The following XRCC6 variants were observed in gnomAD, a reference collection of about 807,000 sequenced individuals.
XRCC6 encodes DNA repair protein Ku70.
A neutral mutation model predicts 65.7 loss-of-function variants in XRCC6; 5 were observed. The ratio of observed to expected loss-of-function variants is 0.08; its 90% CI spans 0.04 to 0.16. XRCC6 has a LOEUF of 0.16. XRCC6 is among the 10% of genes least tolerant of loss of function. The pLI is 1.00. For synonymous variants in XRCC6, 270 were observed against 270.6 expected (o/e 1.00, Z 0.02); for missense variants, 447 against 738.1 (o/e 0.61, Z 4.57).
chr22:41,637,704 T>A lies in XRCC6; in HGVS notation c.686T>A (p.Leu229His), dbSNP rs2067824291. Residue 229 changes from leucine to histidine, a missense_variant, in exon 6 of 13, where the codon CTC (leucine) becomes CAC (histidine). By Grantham distance (99) the Leu-to-His change is moderately conservative. Coordinates refer to ENST00000360079, the MANE Select transcript of XRCC6 (RefSeq NM_001469.5). ...DIISIAEDED[L>H]RVHFEESSKL... ...ATCAGCATAGCAGAGGATGAGGACC[T>A]CAGGGTTCACTTTGAGGAATCCAGC... The A allele has an allele frequency of 6.2e-7, 1 of 1,613,742 alleles. No individual in the cohort carries two copies. Among genetic ancestry groups the A allele is most frequent in the South Asian group, 1.1e-5 (1 of 91,012 alleles).
chr22:41,657,400 C>T (rs1601556156), intron 10 of XRCC6, among the ~76,000 whole-genome samples: 2 of 151,950 alleles, frequency 1.3e-5, no homozygotes, highest in South Asian at 4.2e-4. Context: ...TAATTCAAGT[C>T]ATTCCCTCTC....
At chr22:41,626,636 T>G (rs1488122933) in intron 2 of XRCC6, among the ~76,000 whole-genome samples, 1 of 147,650 alleles carries the variant, frequency 6.8e-6, no homozygotes, top group Non-Finnish European at 1.5e-5. Context: ...TGTTTGTTTT[T>G]TTTTTTGTTT....
At chr22:41,644,628 G>T (rs561246313) in intron 6 of XRCC6, among the ~76,000 whole-genome samples, 170 of 152,144 alleles carry the variant, frequency 1.1e-3, no homozygotes, top group African/African-American at 3.9e-3. Context: ...TGGGACTGCA[G>T]ATGCACACCG....
At chr22:41,636,031 T>G (rs765939310) in intron 3 of XRCC6, 82 bp from the exon 4 acceptor site, 1 of 1,291,170 alleles carries the variant, frequency 7.7e-7, no homozygotes, top group Non-Finnish European at 1.0e-6. Context: ...AGTGCACATA[T>G]TTTGAGCAAC....
chr22:41,624,530 TAC>T, intron 2 of XRCC6, among the ~76,000 whole-genome samples: 1 of 145,190 alleles, frequency 6.9e-6, no homozygotes, highest in Non-Finnish European at 1.5e-5. Flanking sequence ...ACTAAAAAAA[TAC>T]AAAAAATTAG....
intron 5 of XRCC6, 56 bp from the exon 6 acceptor site, chr22:41,637,549 ACTT>A: frequency 7.1e-7 from 1 of 1,408,566 alleles, no homozygotes; most frequent in Non-Finnish European, 9.5e-7. Context: ...AACTGAAAGA[ACTT>A]CTCACTTGCT....
chr22:41,655,348 G>C (rs1253124764), intron 9 of XRCC6, among the ~76,000 whole-genome samples: 1 of 149,210 alleles, frequency 6.7e-6, no homozygotes, highest in Non-Finnish European at 1.5e-5. Context: ...TTTTTATGCT[G>C]AGGTTGCTAA....
At chr22:41,637,956 T>C (rs1191104842) in intron 6 of XRCC6, among the ~76,000 whole-genome samples, 165 bp downstream of exon 6, 1 of 93,494 alleles carries the variant, frequency 1.1e-5, no homozygotes, top group Non-Finnish European at 2.1e-5. Flanking sequence ...AGACCCTCTC[T>C]CTACCTAAAA....
intron 9 of XRCC6, among the ~76,000 whole-genome samples, chr22:41,655,727 C>A (rs979930606): frequency 6.6e-6 from 1 of 151,386 alleles, no homozygotes; most frequent in Admixed American, 6.6e-5. Context: ...TTTTTCCCCC[C>A]CTTCTTTTTT....
At chr22:41,658,389 G>C in intron 11 of XRCC6, 37 bp downstream of exon 11, 1 of 1,597,724 alleles carries the variant, frequency 6.3e-7, no homozygotes, top group Non-Finnish European at 8.6e-7. Context: ...TTTCATGGGA[G>C]GCTTTCTTAC....
intron 2 of XRCC6, among the ~76,000 whole-genome samples, chr22:41,625,119 A>C (rs2067655532): frequency 6.6e-6 from 1 of 152,162 alleles, no homozygotes. Flanking sequence ...CAGCCTGGCC[A>C]ACATGGTGAG....
At chr22:41,641,608 C>G (rs28741125) in intron 6 of XRCC6, among the ~76,000 whole-genome samples, 2 of 152,226 alleles carry the variant, frequency 1.3e-5, no homozygotes, top group Admixed American at 6.5e-5. Context: ...ATCACTACCC[C>G]CTTACCCTTC....
At chr22:41,651,055 T>C (rs1230740240) in intron 8 of XRCC6, among the ~76,000 whole-genome samples, 164 bp downstream of exon 8, 7 of 152,140 alleles carry the variant, frequency 4.6e-5, no homozygotes, top group African/African-American at 1.7e-4. Context: ...CCTGTAATCC[T>C]AGCACTTTGG....
At chr22:41,649,139 A>AAAAAAATATATATATAT in intron 7 of XRCC6, among the ~76,000 whole-genome samples, 3 of 88,736 alleles carry the variant, frequency 3.4e-5, no homozygotes, top group African/African-American at 4.6e-5. Context: ...AAAAAAAAAA[A>AAAAAAATATATATATAT]ATATATATAT....
intron 1 of XRCC6, chr22:41,621,615 T>A (rs555548472): frequency 1.1e-5 from 2 of 184,822 alleles, no homozygotes; most frequent in African/African-American, 4.8e-5. Flanking sequence ...TGAGATCTCA[T>A]TGGGCGTGAT....
intron 9 of XRCC6, among the ~76,000 whole-genome samples, chr22:41,655,326 AG>A (rs985081617): frequency 1.3e-5 from 2 of 150,650 alleles, no homozygotes; most frequent in African/African-American, 4.9e-5. Context: ...AATTCATTTT[AG>A]TTTTTTTTTT....
At chr22:41,651,597 G>A (rs1259810429) in intron 8 of XRCC6, among the ~76,000 whole-genome samples, 7 of 149,424 alleles carry the variant, frequency 4.7e-5, no homozygotes, top group South Asian at 4.2e-4. Context: ...GTGCAATCTC[G>A]GCTCACTGCA....
chr22:41,636,538 T>C lies in XRCC6; in HGVS notation c.357T>C (p.Leu119=). 1 of 1,613,996 alleles carries C rather than the reference T, an allele frequency of 6.2e-7. No individual in the cohort carries two copies. Among genetic ancestry groups the C allele is most frequent in the Middle Eastern group, 1.7e-4 (1 of 6,056 alleles). Residue 119 remains leucine (L), a synonymous_variant, in exon 5 of 13, where the codon CTT becomes CTC. Coordinates refer to ENST00000360079, the MANE Select transcript of XRCC6 (RefSeq NM_001469.5). The part of the protein sequence containing the change: ...DNPGAKRILE[L]DQFKGQQGQK... ...CAGGTGCAAAACGAATTCTAGAGCT[T>C]GACCAGTTTAAGGGGCAGCAGGGAC...
chr22:41,646,732 G>T (rs1254990067), intron 6 of XRCC6, among the ~76,000 whole-genome samples, 164 bp from the exon 7 acceptor site: 1 of 152,138 alleles, frequency 6.6e-6, no homozygotes, highest in Non-Finnish European at 1.5e-5. Flanking sequence ...TTCTGAGGTG[G>T]TATAGCAAAT....
Sources: gnomAD v4.1 joint callset for allele counts (sites outside exome capture counted in the v4.1 genomes callset) on GRCh38, gnomAD v4.1.1 for gene constraint, MANE v1.5 for transcripts, NCBI Gene and HGNC (gene_info 2026-07-23, HGNC 2026-07-21) for gene names.